The following PPP1R9A variants were observed in gnomAD, a reference collection of about 807,000 sequenced individuals.
PPP1R9A encodes the protein protein phosphatase 1 regulatory subunit 9A, also known as neurabin-1.
Under a neutral mutation model 141.9 loss-of-function variants are expected in PPP1R9A, and 59 were observed. The ratio of observed to expected loss-of-function variants is 0.42; its 90% CI spans 0.34 to 0.52. PPP1R9A has a LOEUF of 0.52. PPP1R9A is among the 20% of genes least tolerant of loss of function. PPP1R9A has a pLI of 0.10. For missense variants in PPP1R9A, 1,444 were observed against 1,611.9 expected (o/e 0.90, Z 1.78); for synonymous variants, 500 against 569.7 (o/e 0.88, Z 1.74).
intron 12 of PPP1R9A, among the ~76,000 whole-genome samples, chr7:95,264,580 G>C (rs141660044): frequency 0.021 from 3,135 of 152,228 alleles, 51 homozygotes; most frequent in Non-Finnish European, 0.029. Flanking sequence ...TCTTTTAAAG[G>C]ATCCAATTTG....
intron 2 of PPP1R9A, among the ~76,000 whole-genome samples, chr7:94,942,515 C>G (rs1484426755): frequency 6.6e-6 from 1 of 152,076 alleles, no homozygotes; most frequent in African/African-American, 2.4e-5. Flanking sequence ...GGCTGCTTTC[C>G]TACTGTAAAG....
chr7:95,274,193 G>A (rs374202738), intron 16 of PPP1R9A, 25 bp downstream of exon 16: 76 of 1,497,608 alleles, frequency 5.1e-5, no homozygotes, highest in South Asian at 3.4e-4. Flanking sequence ...TTAAGAACAC[G>A]TGTATTTCTA....
At chr7:95,277,714 A>G (rs1803455733) in intron 16 of PPP1R9A, among the ~76,000 whole-genome samples, 1 of 152,250 alleles carries the variant, frequency 6.6e-6, no homozygotes, top group Admixed American at 6.5e-5. Context: ...GGCACAAGCC[A>G]CTACACCCAG....
intron 4 of PPP1R9A, among the ~76,000 whole-genome samples, chr7:95,153,448 T>C (rs1020579571): frequency 6.6e-6 from 1 of 152,214 alleles, no homozygotes; most frequent in African/African-American, 2.4e-5. Flanking sequence ...TATCATTAGC[T>C]TATCTGATCA....
In PPP1R9A at chr7:95,245,327, T is replaced by C. The variant is rs78045938; in HGVS notation, c.2113-2146T>C. ...ACATAGCAACTCTTCAACGAATGCC[T>C]ATTGAATTCATCCTTATTTTCTAAG... is the stretch of plus-strand genomic sequence containing the variant. On this transcript the variant is annotated intron_variant, in intron 8 of 19. Coordinates refer to ENST00000433360, the MANE Select transcript of PPP1R9A (RefSeq NM_001166160.2). Among the ~76,000 whole-genome samples the C allele has an allele frequency of 4.7e-3, 721 of 152,304 alleles. 3 individuals carry two copies. The highest frequency in any genetic ancestry group is 7.6e-3 in the Non-Finnish European group (519 of 68,020).
intron 2 of PPP1R9A, among the ~76,000 whole-genome samples, chr7:95,034,588 A>C (rs963527430): frequency 5.9e-5 from 9 of 151,992 alleles, no homozygotes; most frequent in Non-Finnish European, 1.3e-4. Context: ...CCTGACTTCA[A>C]TTGGTCTGCC....
intron 2 of PPP1R9A, among the ~76,000 whole-genome samples, chr7:94,991,807 A>G (rs1801551200): frequency 6.6e-6 from 1 of 152,024 alleles, no homozygotes; most frequent in African/African-American, 2.4e-5. Context: ...TCACACCAAG[A>G]CACCCAGCTA....
intron 8 of PPP1R9A, among the ~76,000 whole-genome samples, chr7:95,235,036 A>T (rs1796486325): frequency 1.3e-5 from 2 of 152,180 alleles, no homozygotes; most frequent in East Asian, 3.8e-4. Context: ...CAAAGACTTA[A>T]ATCTAAGATC....
At chr7:95,177,612 A>G (rs898789733) in intron 5 of PPP1R9A, among the ~76,000 whole-genome samples, 2 of 152,192 alleles carry the variant, frequency 1.3e-5, no homozygotes, top group African/African-American at 2.4e-5. Flanking sequence ...GAATTCACCA[A>G]CCAACTATCT....
chr7:95,269,140 A>G (rs1801755494), intron 13 of PPP1R9A, 67 bp from the exon 14 acceptor site: 1 of 1,407,706 alleles, frequency 7.1e-7, no homozygotes, highest in African/African-American at 1.5e-5. Context: ...GTCTTATTTC[A>G]AAGTAAGTAT....
chr7:95,246,780 A>T (rs1047226241), intron 8 of PPP1R9A, among the ~76,000 whole-genome samples: 14 of 152,182 alleles, frequency 9.2e-5, no homozygotes, highest in African/African-American at 3.1e-4. Context: ...CCTTACAAAG[A>T]AAACAAAGCG....
In PPP1R9A at chr7:95,198,369, A is replaced by C; in HGVS notation, c.1775A>C (p.Lys592Thr). The C allele has an allele frequency of 1.2e-6, 2 of 1,608,972 alleles. No individual in the cohort carries two copies. Among genetic ancestry groups the C allele is most frequent in the Non-Finnish European group, 1.7e-6 (2 of 1,178,502 alleles). The stretch of plus-strand genomic sequence containing the variant: ...CACAGATTTGTTATTGGGCGGGAAA[A>C]ACCAGGACAAGTGAGCGAGGTTGCC... ...GNVRFVIGRE[K>T]PGQVSEVAQL... The change falls in exon 6 of 20, where the codon AAA becomes ACA. Residue 592 changes from lysine to threonine, a missense_variant. This residue lies in a region of PPP1R9A where 488 missense variants were observed against 542.0 expected (regional missense o/e 0.90). Transcript: ENST00000433360.
intron 2 of PPP1R9A, among the ~76,000 whole-genome samples, chr7:95,037,352 A>C (rs774610584): frequency 6.6e-6 from 1 of 152,180 alleles, no homozygotes; most frequent in Non-Finnish European, 1.5e-5. Flanking sequence ...GAAATTTTTA[A>C]ATTAGTGATT....
chr7:95,046,379 C>A (rs544334579), intron 2 of PPP1R9A, among the ~76,000 whole-genome samples: 1 of 152,190 alleles, frequency 6.6e-6, no homozygotes, highest in Admixed American at 6.5e-5. Context: ...CCAGCATGAG[C>A]CACCATACCT....
At chr7:95,206,901 A>G (rs1452321011) in intron 7 of PPP1R9A, among the ~76,000 whole-genome samples, 2 of 152,142 alleles carry the variant, frequency 1.3e-5, no homozygotes, top group Admixed American at 1.3e-4. Flanking sequence ...CTGGAACCCC[A>G]TGGACTACAC....
chr7:95,183,705 C>T (rs1563375086), intron 5 of PPP1R9A, among the ~76,000 whole-genome samples: 1 of 151,864 alleles, frequency 6.6e-6, no homozygotes. Context: ...CCTCGGGCTC[C>T]CAAAGTGCTG....
At position 95,293,567 on chromosome 7, in the gene PPP1R9A, G is replaced by C. The variant is rs1425549935; in HGVS notation, c.*3264G>C. On this transcript the variant is annotated 3_prime_UTR_variant, in exon 20 of 20. Transcript: ENST00000433360. Reference sequence around the variant, plus strand: ...GCACAAAATGGGACTGTCACCTTTTGCTCCATTGTTGTTGGAAACAAAGTG... The same window carrying C: ...GCACAAAATGGGACTGTCACCTTTTCCTCCATTGTTGTTGGAAACAAAGTG... The C allele has an allele frequency of 6.6e-6, 1 of 152,142 alleles. No homozygotes were observed. The highest frequency in any genetic ancestry group is 6.5e-5 in the Admixed American group (1 of 15,276). 9.4% of individuals were successfully genotyped at this position (152,142 alleles called of 1,614,324 possible).
chr7:95,106,337 C>T (rs1429654876), intron 2 of PPP1R9A, among the ~76,000 whole-genome samples: 1 of 152,080 alleles, frequency 6.6e-6, no homozygotes, highest in Non-Finnish European at 1.5e-5. Context: ...TTGGCAAGTG[C>T]TACATAGCTA....
chr7:95,003,336 A>G (rs1584223834), intron 2 of PPP1R9A, among the ~76,000 whole-genome samples: 1 of 152,252 alleles, frequency 6.6e-6, no homozygotes, highest in East Asian at 1.9e-4. Context: ...TAAACAAGGA[A>G]ATAAAATTTC....
Sources: allele counts gnomAD v4.1 joint callset (sites outside exome capture counted in the v4.1 genomes callset), GRCh38; gene constraint gnomAD v4.1.1; regional missense constraint gnomAD v4.1.1; transcripts MANE v1.5; gene names NCBI Gene and HGNC (gene_info 2026-07-23, HGNC 2026-07-21).